PDZRN3: variants seen among roughly 807,000 people sequenced by gnomAD.
PDZRN3 encodes the protein E3 ubiquitin-protein ligase PDZRN3.
A neutral mutation model predicts 85.7 loss-of-function variants in PDZRN3; 38 were observed. The observed-to-expected ratio is 0.44, with a 90% confidence interval of 0.34 to 0.58. The LOEUF (loss-of-function observed/expected upper bound fraction) is 0.58, where lower values mean the gene tolerates loss of function less well. PDZRN3 is among the 20% of genes least tolerant of loss of function. PDZRN3 has a pLI of 0.01. For missense variants in PDZRN3, 1,629 were observed against 1,506.4 expected (o/e 1.08, Z -1.35); for synonymous variants, 759 against 638.0 (o/e 1.19, Z -2.86).
chr3:73,483,224 AT>A (rs577074279), intron 3 of PDZRN3, among the ~76,000 whole-genome samples: 10 of 152,238 alleles, frequency 6.6e-5, no homozygotes, highest in Non-Finnish European at 1.2e-4. Context: ...AAGAGGCTTC[AT>A]TTTGAAGCAA....
chr3:73,563,013 A>ATATATATATATATATATAT (rs1187151191), intron 3 of PDZRN3, among the ~76,000 whole-genome samples: 4 of 43,762 alleles, frequency 9.1e-5, no homozygotes, highest in African/African-American at 2.0e-4. Flanking sequence ...ATATATATAT[A>ATATATATATATATATATAT]TTTTTTTTTT....
intron 3 of PDZRN3, among the ~76,000 whole-genome samples, chr3:73,499,339 G>T (rs13088428): frequency 0.26 from 38,996 of 152,058 alleles, 6,241 homozygotes; most frequent in Non-Finnish European, 0.37. Context: ...CGAGGCCCAG[G>T]CTGGCCCCAG....
At chr3:73,609,655 T>C (rs1702653518) in intron 1 of PDZRN3, among the ~76,000 whole-genome samples, 1 of 152,250 alleles carries the variant, frequency 6.6e-6, no homozygotes, top group South Asian at 2.1e-4. Flanking sequence ...AAATGTGGTA[T>C]TTCTTTTAAA....
At chr3:73,385,898 A>T in intron 8 of PDZRN3, 113 bp from the exon 9 acceptor site, 1 of 676,814 alleles carries the variant, frequency 1.5e-6, no homozygotes, top group Non-Finnish European at 2.6e-6. Context: ...TTCCTCCAAG[A>T]GTCATCAAAA....
At chr3:73,593,705 AAT>A (rs35560463) in intron 3 of PDZRN3, among the ~76,000 whole-genome samples, 1,549 of 124,910 alleles carry the variant, frequency 0.012, 22 homozygotes, top group African/African-American at 0.028. Context: ...TACCGAAATA[AAT>A]ATACACACAC....
At chr3:73,475,622 C>A (rs781767729) in intron 3 of PDZRN3, among the ~76,000 whole-genome samples, 1 of 152,166 alleles carries the variant, frequency 6.6e-6, no homozygotes, top group African/African-American at 2.4e-5. Flanking sequence ...GTGAATCCAT[C>A]CCCAGAAAAT....
chr3:73,418,334 G>T (rs1017011621), intron 3 of PDZRN3, among the ~76,000 whole-genome samples: 4 of 152,164 alleles, frequency 2.6e-5, no homozygotes, highest in African/African-American at 9.7e-5. Flanking sequence ...TATGAACTGG[G>T]CTAAAAACAC....
At chr3:73,420,703 T>C (rs1050924170) in intron 3 of PDZRN3, among the ~76,000 whole-genome samples, 1 of 152,138 alleles carries the variant, frequency 6.6e-6, no homozygotes, top group African/African-American at 2.4e-5. Context: ...TGACCCAATT[T>C]TGGAAGCCTG....
intron 3 of PDZRN3, among the ~76,000 whole-genome samples, chr3:73,449,292 T>C (rs150909378): frequency 6.6e-6 from 1 of 152,204 alleles, no homozygotes; most frequent in Non-Finnish European, 1.5e-5. Flanking sequence ...TGGCCTGGCA[T>C]CTGATTAATA....
Position 73,384,790 on chromosome 3 carries a change from G to A in PDZRN3, c.1776C>T (p.Asp592=), listed in dbSNP as rs368331137. 40 of 1,613,894 alleles carry A rather than the reference G, an allele frequency of 2.5e-5. No homozygotes were observed. Among genetic ancestry groups the A allele is most frequent in the Admixed American group, 3.3e-5 (2 of 60,034 alleles). ...CCAGCGGGTTGGAGGATGCGGTGGCGTCGTCGCCATTGTTCTCTTGCTCCG... is the reference window on the plus strand; with the variant it reads ...CCAGCGGGTTGGAGGATGCGGTGGCATCGTCGCCATTGTTCTCTTGCTCCG... ...ESSEQENNGD[D]ATASSNPLAG... The change falls in exon 10 of 10, where the codon GAC becomes GAT. Residue 592 remains aspartate (D), a synonymous_variant. Transcript: ENST00000263666.
At chr3:73,569,215 G>T in intron 3 of PDZRN3, 1 of 1,288,810 alleles carries the variant, frequency 7.8e-7, no homozygotes, top group Middle Eastern at 2.1e-4. Context: ...ATTTCTGAAG[G>T]TCCTTCATAA....
At chr3:73,518,822 A>G (rs1318924547) in intron 3 of PDZRN3, among the ~76,000 whole-genome samples, 3 of 152,168 alleles carry the variant, frequency 2.0e-5, no homozygotes, top group African/African-American at 4.8e-5. Flanking sequence ...CAGAGGTGTC[A>G]TGGCCTAATC....
At chr3:73,433,792 T>A in intron 3 of PDZRN3, 1 of 1,516,146 alleles carries the variant, frequency 6.6e-7, no homozygotes, top group South Asian at 1.2e-5. Flanking sequence ...ATTGAAGGTA[T>A]CCTTGGAGAG....
At chr3:73,387,560 A>C (rs1246453236) in intron 8 of PDZRN3, among the ~76,000 whole-genome samples, 1 of 152,202 alleles carries the variant, frequency 6.6e-6, no homozygotes, top group African/African-American at 2.4e-5. Context: ...TTTATCATTC[A>C]ATGTTTCTTT....
intron 3 of PDZRN3, among the ~76,000 whole-genome samples, chr3:73,436,451 A>G (rs1219786293): frequency 6.6e-6 from 1 of 152,184 alleles, no homozygotes. Flanking sequence ...TGTCCCCACA[A>G]AAAAAGGCTT....
intron 1 of PDZRN3, among the ~76,000 whole-genome samples, chr3:73,610,593 G>A (rs1437973944): frequency 6.6e-6 from 1 of 152,146 alleles, no homozygotes; most frequent in East Asian, 1.9e-4. Flanking sequence ...TATCTTAAAG[G>A]GGTGAAAAGT....
In PDZRN3 at chr3:73,384,457, C is replaced by T. The variant is rs1701309179; in HGVS notation, c.2109G>A (p.Val703=). ...TGAGCTGCTGCATCTTGTGGGCGCG[C>T]ACGATGCTCAGGCACTCCAGCTCGA... The part of the protein sequence containing the change: ...RSIELECLSI[V]RAHKMQQLKE... The change falls in exon 10 of 10, where the codon GTG becomes GTA. Residue 703 remains valine, a synonymous_variant. Transcript: ENST00000263666. The T allele has an allele frequency of 3.1e-6, 5 of 1,612,684 alleles. No individual in the cohort carries two copies. Among genetic ancestry groups the T allele is most frequent in the Non-Finnish European group, 3.4e-6 (4 of 1,179,996 alleles).
chr3:73,624,691 C>A lies in PDZRN3; in HGVS notation c.135G>T (p.Trp45Cys). Residue 45 changes from tryptophan to cysteine, a missense_variant, in exon 1 of 10, where the codon TGG becomes TGT. Physicochemically the swap from Trp to Cys is radical, Grantham distance 215. Coordinates refer to ENST00000263666, the MANE Select transcript of PDZRN3 (RefSeq NM_015009.3). ...HVFCAGCVLP[W>C]VVQEGSCPAR... is the part of the protein sequence containing the mutation. ...CCGGGCAGCTGCCCTCCTGCACCAC[C>A]CAGGGCAGCACGCAGCCGGCGCAGA... 1 of 1,527,184 alleles carries A rather than the reference C, an allele frequency of 6.5e-7. No individual in the cohort carries two copies. The highest frequency in any genetic ancestry group is 8.7e-7 in the Non-Finnish European group (1 of 1,143,184). 94.6% of individuals were successfully genotyped at this position (1,527,184 alleles called of 1,614,324 possible). A position where few individuals can be genotyped will look rare whatever the true frequency, so the allele number is the denominator to read the frequency against.
chr3:73,490,086 T>C (rs111985944), intron 3 of PDZRN3, among the ~76,000 whole-genome samples: 2 of 152,364 alleles, frequency 1.3e-5, no homozygotes, highest in African/African-American at 4.8e-5. Context: ...TGGTACGATC[T>C]GCTCTGCAGA....
Sources: allele counts gnomAD v4.1 joint callset (sites outside exome capture counted in the v4.1 genomes callset), GRCh38; gene constraint gnomAD v4.1.1; transcripts MANE v1.5; gene names NCBI Gene and HGNC (gene_info 2026-07-23, HGNC 2026-07-21).